Variants in RTRAF observed in about 807,000 individuals in gnomAD.
RTRAF encodes the protein tRNA-splicing ligase complex subunit RTRAF.
A neutral mutation model predicts 34.4 loss-of-function variants in RTRAF; 14 were observed. The observed-to-expected ratio is 0.41, with a 90% CI of 0.27 to 0.64. The LOEUF is 0.64. Ranked by LOEUF, RTRAF falls within the 30% of genes least tolerant of loss-of-function variation. RTRAF has a pLI of 0.34. For synonymous variants in RTRAF, 96 were observed against 95.3 expected, an observed-to-expected ratio of 1.01 and a Z score of -0.04; for missense variants, 291 against 288.4, an observed-to-expected ratio of 1.01 and a Z score of -0.06.
intron 4 of RTRAF, 61 bp downstream of exon 4, chr14:51,998,641 C>A: frequency 8.8e-7 from 1 of 1,130,662 alleles, no homozygotes; most frequent in East Asian, 2.6e-5. Context: ...ATGTTTTTTT[C>A]TTTGAAGAAT....
At position 52,008,002 on chromosome 14, in the gene RTRAF, C is replaced by T; in HGVS notation, c.*3486C>T. On this transcript the variant is annotated 3_prime_UTR_variant, in exon 8 of 8. Transcript: ENST00000261700. ...AAAAATCAAGATTGTAAAAGAATAG[C>T]CATGTAGCCTGTGGTAGGCAGCATC... 1 of 1,573,008 alleles carries T rather than the reference C, an allele frequency of 6.4e-7. No homozygotes were observed. Among genetic ancestry groups the T allele is most frequent in the Non-Finnish European group, 8.6e-7 (1 of 1,157,206 alleles).
chr14:51,998,603 T>C (rs1197011995), intron 4 of RTRAF, 23 bp downstream of exon 4: 1 of 1,448,196 alleles, frequency 6.9e-7, no homozygotes. Context: ...ATGCATAACA[T>C]TGAACATCAA....
intron 6 of RTRAF, among the ~76,000 whole-genome samples, chr14:52,002,469 A>AG (rs1491211113): frequency 1.3e-5 from 2 of 152,188 alleles, no homozygotes; most frequent in Non-Finnish European, 2.9e-5. Flanking sequence ...GTGAAGGGAC[A>AG]GGGGGTTCTG....
rs1465676946 is a variant in RTRAF at position 52,006,823 on chromosome 14, CCA to C, written c.*2308_*2309del. Reference sequence around the variant, plus strand: ...AAATTACCTGTCCTATTACTAGTCTCCAGTTTTTAGTAGAGATTCAAACTTTC... The same window carrying C: ...AAATTACCTGTCCTATTACTAGTCTCGTTTTTAGTAGAGATTCAAACTTTC... On this transcript the variant is annotated 3_prime_UTR_variant, in exon 8 of 8. Coordinates refer to ENST00000261700, the MANE Select transcript of RTRAF (RefSeq NM_016039.3). The C allele has an allele frequency of 2.8e-5, 17 of 602,998 alleles. No individual in the cohort carries two copies. The highest frequency in any genetic ancestry group is 2.2e-4 in the African/African-American group (12 of 53,366). 37.4% of individuals were successfully genotyped at this position (602,998 alleles called of 1,614,324 possible).
At chr14:52,003,677 G>GTAAC (rs1460623247) in intron 6 of RTRAF, among the ~76,000 whole-genome samples, 3 of 152,118 alleles carry the variant, frequency 2.0e-5, no homozygotes, top group South Asian at 2.1e-4. Context: ...TTGTTTCAAA[G>GTAAC]TAACTTCCAA....
In RTRAF at chr14:52,009,593, T is replaced by C. The variant is rs960251507; in HGVS notation, c.*5077T>C. 6.6e-6 allele frequency: 1 copy of C among 152,234 alleles called. No individual in the cohort carries two copies. The highest frequency in any genetic ancestry group is 1.5e-5 in the Non-Finnish European group (1 of 68,032). The allele number at this position is 152,234 out of a possible 1,614,324, so 9.4% of individuals were successfully genotyped here. On this transcript the variant is annotated 3_prime_UTR_variant, in exon 8 of 8. Transcript: ENST00000261700. ...TTCATATTTAAACTCATGGCTGTGA[T>C]GTGGATTTCAGCTTAAAAGTATGCT... is the stretch of plus-strand genomic sequence containing the variant.
intron 4 of RTRAF, 27 bp downstream of exon 4, chr14:51,998,607 ACAT>A: frequency 7.0e-7 from 1 of 1,430,626 alleles, no homozygotes; most frequent in East Asian, 2.5e-5. Context: ...ATAACATTGA[ACAT>A]CAACATTTTT....
chr14:51,990,117 C>A (rs1378246418), intron 1 of RTRAF, among the ~76,000 whole-genome samples: 1 of 152,136 alleles, frequency 6.6e-6, no homozygotes, highest in African/African-American at 2.4e-5. Context: ...TAGTTCACTG[C>A]CTGCCAGGAG....
In RTRAF at chr14:52,002,050, T is replaced by C. The variant is rs1267116537; in HGVS notation, c.531+184T>C. On this transcript the variant is annotated intron_variant, in intron 6 of 7. Transcript: ENST00000261700. The stretch of plus-strand genomic sequence containing the variant: ...GTATTCAGTGGCTAGGGGGTCATTT[T>C]TGAGTGAAAAACTTCATGTTCCTCT... 3 of 574,292 alleles carry C rather than the reference T, an allele frequency of 5.2e-6. No homozygotes were observed. The East Asian group carries it at 9.3e-5, about 18-fold the overall frequency. 35.6% of individuals were successfully genotyped at this position (574,292 alleles called of 1,614,324 possible).
Position 52,002,042 on chromosome 14 carries a change from G to T in RTRAF, c.531+176G>T, listed in dbSNP as rs1442208180. 5 of 583,604 alleles carry T rather than the reference G, an allele frequency of 8.6e-6. No individual in the cohort carries two copies. In the East Asian group the frequency reaches 9.3e-5, roughly 11 times the overall value. The allele number at this position is 583,604 out of a possible 1,614,324, so 36.2% of individuals were successfully genotyped here. On this transcript the variant is annotated intron_variant, in intron 6 of 7. Transcript: ENST00000261700. ...AATTGAATGTATTCAGTGGCTAGGG[G>T]GTCATTTTTGAGTGAAAAACTTCAT... is the stretch of plus-strand genomic sequence containing the variant.
chr14:52,004,153 T>TTA (rs1429036215), intron 6 of RTRAF, 41 bp from the exon 7 acceptor site: 1 of 1,551,922 alleles, frequency 6.4e-7, no homozygotes, highest in Admixed American at 1.7e-5. Context: ...GATGCTATTC[T>TTA]TAACCATAAA....
rs974342204 is a variant in RTRAF, at chr14:52,004,042, C to G, written c.532-152C>G. 4 of 697,700 alleles carry G rather than the reference C, an allele frequency of 5.7e-6. No homozygotes were observed. In the Admixed American group the frequency reaches 1.1e-4, roughly 19 times the overall value. The allele number at this position is 697,700 out of a possible 1,614,324, so 43.2% of individuals were successfully genotyped here. On this transcript the variant is annotated intron_variant, in intron 6 of 7. Coordinates refer to ENST00000261700, the MANE Select transcript of RTRAF (RefSeq NM_016039.3). ...GAAAACTCGCTAATCACAATCATCA[C>G]AAAGCAAATATAAACAAAATTCCTA...
intron 2 of RTRAF, among the ~76,000 whole-genome samples, chr14:51,992,382 A>T (rs930049611): frequency 2.0e-5 from 3 of 152,154 alleles, no homozygotes; most frequent in African/African-American, 7.3e-5. Context: ...TATAAATTAC[A>T]TCATTGTTAT....
At chr14:52,002,042 G>A in intron 6 of RTRAF, 176 bp downstream of exon 6, 3 of 583,720 alleles carry the variant, frequency 5.1e-6, no homozygotes, top group South Asian at 2.6e-5. Flanking sequence ...GTGGCTAGGG[G>A]GTCATTTTTG....
At chr14:52,003,914 A>G (rs749816384) in intron 6 of RTRAF, 20 of 380,908 alleles carry the variant, frequency 5.3e-5, no homozygotes, top group Non-Finnish European at 7.5e-5. Flanking sequence ...CTGCTGCAAT[A>G]AGGATATATT....
Position 51,999,532 on chromosome 14 carries a change from T to A in RTRAF, c.374-176T>A, listed in dbSNP as rs543467279. 2.5e-4 allele frequency: 123 copies of A among 501,016 alleles called. 1 individual carries two copies. Among genetic ancestry groups the A allele is most frequent in the African/African-American group, 2.1e-3 (112 of 52,260 alleles). The allele number at this position is 501,016 out of a possible 1,614,324, so 31.0% of individuals were successfully genotyped here. The stretch of plus-strand genomic sequence containing the variant: ...GGAAAACCATTTTATCTTACCAATT[T>A]ATTTAATTGTTGATAGTCTACAGGG... On this transcript the variant is annotated intron_variant, in intron 4 of 7. Transcript: ENST00000261700.
chr14:52,008,162 G>A lies in RTRAF; in HGVS notation c.*3646G>A, dbSNP rs146857113. ...GCAGAAGTGATAGGCTATCACTGCC[G>A]ATATTCGGTCTCAAAAAACTGGTTT... On this transcript the variant is annotated 3_prime_UTR_variant, in exon 8 of 8. Coordinates refer to ENST00000261700, the MANE Select transcript of RTRAF (RefSeq NM_016039.3). The A allele has an allele frequency of 6.6e-5, 31 of 468,546 alleles. No homozygotes were observed. The South Asian group carries it at 8.4e-4, about 13-fold the overall frequency. The allele number at this position is 468,546 out of a possible 1,614,324, so 29.0% of individuals were successfully genotyped here. A position where few individuals can be genotyped will look rare whatever the true frequency, so the allele number is the denominator to read the frequency against.
chr14:51,989,826 C>A (rs973963818), intron 1 of RTRAF, 126 bp downstream of exon 1: 2 of 949,508 alleles, frequency 2.1e-6, no homozygotes, highest in South Asian at 1.6e-5. Context: ...GCCTCCGGGC[C>A]CCTCTCCTCT....
chr14:51,992,324 A>T (rs1159475715), intron 2 of RTRAF, among the ~76,000 whole-genome samples: 14 of 152,220 alleles, frequency 9.2e-5, no homozygotes, highest in Admixed American at 9.2e-4. Flanking sequence ...GAGCAGTGTG[A>T]TTAGGCACTT....
Sources: allele counts gnomAD v4.1 joint callset (sites outside exome capture counted in the v4.1 genomes callset), GRCh38; gene constraint gnomAD v4.1.1; transcripts MANE v1.5; gene names NCBI Gene and HGNC (gene_info 2026-07-23, HGNC 2026-07-21).